The following ARB2A variants were observed in gnomAD, a reference collection of about 807,000 sequenced individuals.
ARB2A encodes cotranscriptional regulator ARB2A.
At chr5:93,848,619 A>C in the ARB2A span, among the ~76,000 whole-genome samples, 1 of 152,210 alleles carries the variant, frequency 6.6e-6, no homozygotes, top group East Asian at 1.9e-4. Context: ...CATATAATAA[A>C]ATGTGACTAA....
chr5:93,982,264 C>T, the ARB2A span, among the ~76,000 whole-genome samples: 3 of 152,016 alleles, frequency 2.0e-5, no homozygotes. Flanking sequence ...TTGAAAATTC[C>T]TTGCGCTGAT....
the ARB2A span, among the ~76,000 whole-genome samples, chr5:93,768,155 T>C: frequency 6.6e-6 from 1 of 151,800 alleles, no homozygotes; most frequent in East Asian, 1.9e-4. Context: ...TATGAGGACG[T>C]AATAGCATAA....
the ARB2A span, among the ~76,000 whole-genome samples, chr5:93,890,867 G>A: frequency 3.9e-5 from 6 of 152,130 alleles, no homozygotes; most frequent in Middle Eastern, 3.4e-3. Flanking sequence ...ATGGACTCTC[G>A]TAAATGCTTG....
At chr5:93,929,526 A>T in the ARB2A span, among the ~76,000 whole-genome samples, 4 of 152,192 alleles carry the variant, frequency 2.6e-5, no homozygotes, top group Non-Finnish European at 5.9e-5. Flanking sequence ...TTATTGGCTT[A>T]TTCATGCTAG....
chr5:93,983,172 T>G, the ARB2A span, among the ~76,000 whole-genome samples: 6 of 250 alleles, frequency 0.024, no homozygotes, highest in Non-Finnish European at 0.031. Flanking sequence ...TGTGGAGAGG[T>G]GTGTGTGTGT....
the ARB2A span, among the ~76,000 whole-genome samples, chr5:93,709,400 TGAG>T: frequency 1.7e-3 from 261 of 151,998 alleles, 1 homozygote; most frequent in African/African-American, 5.3e-3. Context: ...TTTGGGAGGC[TGAG>T]GAGGGTGGAT....
chr5:93,991,909 C>G, the ARB2A span, among the ~76,000 whole-genome samples: 1 of 151,716 alleles, frequency 6.6e-6, no homozygotes, highest in Admixed American at 6.6e-5. Flanking sequence ...GCCACAGATC[C>G]AAGAAGCTCA....
chr5:93,805,844 TAC>T, the ARB2A span: 3 of 985,052 alleles, frequency 3.0e-6, no homozygotes, highest in African/African-American at 3.5e-5. Flanking sequence ...GTTGGTTGTA[TAC>T]AGTCAATGGT....
chr5:93,745,460 G>GTATA, the ARB2A span, among the ~76,000 whole-genome samples: 1 of 152,166 alleles, frequency 6.6e-6, no homozygotes, highest in Non-Finnish European at 1.5e-5. Flanking sequence ...AGTGCTCTGA[G>GTATA]TATAGTAAGT....
At chr5:93,727,835 A>C in the ARB2A span, among the ~76,000 whole-genome samples, 1 of 152,110 alleles carries the variant, frequency 6.6e-6, no homozygotes, top group Admixed American at 6.6e-5. Flanking sequence ...AAAAAGTGTC[A>C]CTTGTATTTA....
At chr5:93,923,756 C>A in the ARB2A span, among the ~76,000 whole-genome samples, 2 of 152,082 alleles carry the variant, frequency 1.3e-5, no homozygotes, top group African/African-American at 4.8e-5. Flanking sequence ...TTACAATGGG[C>A]TATGATCACA....
chr5:94,088,800 T>C, the ARB2A span, among the ~76,000 whole-genome samples: 1 of 152,210 alleles, frequency 6.6e-6, no homozygotes, highest in Non-Finnish European at 1.5e-5. Context: ...TTTGAAGATG[T>C]ATAAGAAATT....
the ARB2A span, among the ~76,000 whole-genome samples, chr5:93,853,181 T>C: frequency 2.1e-5 from 3 of 144,238 alleles, no homozygotes; most frequent in African/African-American, 5.2e-5. Flanking sequence ...ACGTCCCTTG[T>C]AAGTTGGATT....
chr5:94,078,106 ATTTG>A, the ARB2A span, among the ~76,000 whole-genome samples: 2 of 152,178 alleles, frequency 1.3e-5, no homozygotes. Flanking sequence ...TTTTTTCTAC[ATTTG>A]TTTGTTTTTA....
the ARB2A span, among the ~76,000 whole-genome samples, chr5:93,721,731 G>A: frequency 6.6e-6 from 1 of 152,036 alleles, no homozygotes; most frequent in Non-Finnish European, 1.5e-5. Context: ...TCTAATCCAA[G>A]ACCAAAGTCC....
At chr5:93,768,509 G>GTA in the ARB2A span, among the ~76,000 whole-genome samples, 1,193 of 149,728 alleles carry the variant, frequency 8.0e-3, 10 homozygotes, top group African/African-American at 0.023. Context: ...TATATATAGT[G>GTA]TATATACATA....
chr5:93,960,087 C>G, the ARB2A span, among the ~76,000 whole-genome samples: 1 of 144,154 alleles, frequency 6.9e-6, no homozygotes, highest in African/African-American at 2.7e-5. Flanking sequence ...AGATGCCCCC[C>G]CCCCCCCCAA....
At chr5:93,867,812 T>C in the ARB2A span, among the ~76,000 whole-genome samples, 1 of 152,222 alleles carries the variant, frequency 6.6e-6, no homozygotes, top group Non-Finnish European at 1.5e-5. Context: ...GTTCCCTAAA[T>C]GAGTCACTAA....
the ARB2A span, chr5:93,958,980 T>A: frequency 2.7e-6 from 4 of 1,504,786 alleles, no homozygotes; most frequent in East Asian, 9.6e-5. Context: ...TGTAATTAAA[T>A]AAAATTAAAT....
Sources: allele counts gnomAD v4.1 joint callset (sites outside exome capture counted in the v4.1 genomes callset), GRCh38; gene constraint gnomAD v4.1.1; transcripts MANE v1.5; gene names NCBI Gene and HGNC (gene_info 2026-07-23, HGNC 2026-07-21).